The following TAFA4 variants were observed in gnomAD, a reference collection of about 807,000 sequenced individuals.
The protein encoded by TAFA4 is chemokine-like protein TAFA-4.
In TAFA4, 20 loss-of-function variants were observed where a neutral mutation model predicts 21.1. That is an observed-to-expected ratio of 0.95 (90% CI 0.67 to 1.38). The LOEUF (loss-of-function observed/expected upper bound fraction) is 1.38. TAFA4 is among the 40% of genes most tolerant of loss of function. The pLI is 0.00. For missense variants in TAFA4, 211 were observed against 180.9 expected, an observed-to-expected ratio of 1.17 and a Z score of -0.95; for synonymous variants, 71 against 67.4, an observed-to-expected ratio of 1.05 and a Z score of -0.26.
chr3:68,856,736 TAAC>T lies in TAFA4; in HGVS notation c.130+23991_130+23993del, dbSNP rs368332319. On this transcript the variant is annotated intron_variant, in intron 3 of 5. Transcript: ENST00000295569. The stretch of plus-strand genomic sequence containing the variant: ...AGCTTCCACATTCATATGGAAGGAA[TAAC>T]AACAAGAATTATACCTCACTCCTAC... Among the ~76,000 whole-genome samples the T allele has an allele frequency of 4.6e-5, 7 of 152,270 alleles. 1 individual carries two copies. Among genetic ancestry groups the T allele is most frequent in the African/African-American group, 1.7e-4 (7 of 41,562 alleles).
intron 1 of TAFA4, among the ~76,000 whole-genome samples, chr3:68,907,706 G>A (rs901746690): frequency 6.6e-6 from 1 of 152,198 alleles, no homozygotes; most frequent in Non-Finnish European, 1.5e-5. Flanking sequence ...ATAAGTCTGA[G>A]GCTCCTGGCC....
At chr3:68,901,883 C>A (rs1007711053) in intron 1 of TAFA4, among the ~76,000 whole-genome samples, 1 of 152,170 alleles carries the variant, frequency 6.6e-6, no homozygotes, top group Non-Finnish European at 1.5e-5. Context: ...ATCATTAGAC[C>A]TCTCTGAACC....
chr3:68,835,936 C>A (rs1204904611), intron 3 of TAFA4, among the ~76,000 whole-genome samples: 1 of 152,180 alleles, frequency 6.6e-6, no homozygotes, highest in African/African-American at 2.4e-5. Context: ...ATGTTTCAAA[C>A]ACACCTACCA....
chr3:68,768,979 A>C (rs1204897952), intron 3 of TAFA4, among the ~76,000 whole-genome samples: 1 of 152,162 alleles, frequency 6.6e-6, no homozygotes, highest in Admixed American at 6.5e-5. Context: ...AATGGCTACA[A>C]AGTTACAGTT....
At chr3:68,741,345 T>C (rs991665083) in intron 4 of TAFA4, among the ~76,000 whole-genome samples, 12 of 152,210 alleles carry the variant, frequency 7.9e-5, no homozygotes, top group African/African-American at 2.7e-4. Flanking sequence ...CTTGGTTAAA[T>C]TGATTCTTAA....
At chr3:68,874,148 G>C (rs888175625) in intron 3 of TAFA4, among the ~76,000 whole-genome samples, 2 of 152,030 alleles carry the variant, frequency 1.3e-5, no homozygotes, top group Non-Finnish European at 1.5e-5. Context: ...TAACCCTGTC[G>C]GACTTAGTTA....
intron 3 of TAFA4, among the ~76,000 whole-genome samples, chr3:68,757,180 T>C (rs1273165928): frequency 3.9e-5 from 6 of 152,062 alleles, no homozygotes; most frequent in African/African-American, 1.4e-4. Flanking sequence ...AAACTTAAGA[T>C]GTCAGCCTGT....
At chr3:68,829,640 T>A (rs1335851346) in intron 3 of TAFA4, among the ~76,000 whole-genome samples, 1 of 152,228 alleles carries the variant, frequency 6.6e-6, no homozygotes, top group Non-Finnish European at 1.5e-5. Context: ...GATATTGGTA[T>A]AAAATTCTCT....
intron 3 of TAFA4, among the ~76,000 whole-genome samples, chr3:68,822,191 T>C (rs372858645): frequency 6.6e-6 from 1 of 152,238 alleles, no homozygotes; most frequent in African/African-American, 2.4e-5. Context: ...TAAACTGTTA[T>C]TGAGTCAAAA....
intron 3 of TAFA4, among the ~76,000 whole-genome samples, chr3:68,825,944 G>A (rs1704218724): frequency 6.6e-6 from 1 of 152,090 alleles, no homozygotes; most frequent in Admixed American, 6.6e-5. Flanking sequence ...CCAGGCCAAA[G>A]GTCAACATCA....
At chr3:68,777,004 A>C (rs967018879) in intron 3 of TAFA4, among the ~76,000 whole-genome samples, 27 of 152,130 alleles carry the variant, frequency 1.8e-4, no homozygotes, top group African/African-American at 6.5e-4. Context: ...AAGCTAAATA[A>C]ATTATTGTCA....
chr3:68,914,950 C>G (rs1355401684), intron 1 of TAFA4, among the ~76,000 whole-genome samples: 5 of 152,176 alleles, frequency 3.3e-5, no homozygotes, highest in Non-Finnish European at 7.4e-5. Flanking sequence ...CATGGTCATG[C>G]AACATTCGTT....
intron 1 of TAFA4, among the ~76,000 whole-genome samples, chr3:68,891,029 A>C (rs757768385): frequency 1.7e-4 from 26 of 152,208 alleles, no homozygotes; most frequent in Non-Finnish European, 3.2e-4. Context: ...AATTAAGACC[A>C]AGTATGCAAG....
chr3:68,749,879 G>A (rs1009614308), intron 4 of TAFA4, among the ~76,000 whole-genome samples: 23 of 152,032 alleles, frequency 1.5e-4, no homozygotes, highest in Admixed American at 5.9e-4. Flanking sequence ...CCATAGCCAC[G>A]GGTGGCTAAT....
intron 3 of TAFA4, among the ~76,000 whole-genome samples, chr3:68,866,988 A>C (rs532427761): frequency 1.2e-4 from 18 of 152,108 alleles, no homozygotes; most frequent in Non-Finnish European, 2.5e-4. Flanking sequence ...ATTGAGAAAG[A>C]GCAAGGGGTA....
At chr3:68,790,184 T>C (rs1703335883) in intron 3 of TAFA4, among the ~76,000 whole-genome samples, 1 of 142,538 alleles carries the variant, frequency 7.0e-6, no homozygotes, top group African/African-American at 2.5e-5. Flanking sequence ...CTTGTGAGGC[T>C]TCTACGTTTT....
intron 4 of TAFA4, among the ~76,000 whole-genome samples, chr3:68,743,432 T>A (rs9841811): frequency 6.6e-6 from 1 of 151,714 alleles, no homozygotes; most frequent in Non-Finnish European, 1.5e-5. Flanking sequence ...GAACATTCAC[T>A]GGGCATGGTG....
intron 1 of TAFA4, 111 bp from the exon 2 acceptor site, chr3:68,885,421 T>A (rs2089661028): frequency 1.9e-6 from 1 of 537,178 alleles, no homozygotes; most frequent in Non-Finnish European, 3.3e-6. Context: ...ACCTGCAGTT[T>A]CAGGCAAGTG....
At chr3:68,866,722 G>C (rs998043273) in intron 3 of TAFA4, among the ~76,000 whole-genome samples, 6 of 105,662 alleles carry the variant, frequency 5.7e-5, no homozygotes, top group East Asian at 2.9e-4. Context: ...TGTATCAGAT[G>C]AACAACAACA....
Sources: gnomAD v4.1 joint callset for allele counts (sites outside exome capture counted in the v4.1 genomes callset) on GRCh38, gnomAD v4.1.1 for gene constraint, MANE v1.5 for transcripts, NCBI Gene and HGNC (gene_info 2026-07-23, HGNC 2026-07-21) for gene names.